EPB41L4A: variants seen among roughly 807,000 people sequenced by gnomAD.
EPB41L4A encodes erythrocyte membrane protein band 4.1 like 4A, also known as band 4.1-like protein 4A.
EPB41L4A carries 100 observed loss-of-function variants against 108.6 expected under a neutral mutation model. The observed-to-expected ratio is 0.92, with a 90% CI of 0.78 to 1.09. EPB41L4A has a LOEUF of 1.09. Ranked by LOEUF, EPB41L4A falls within the 50% of genes least tolerant of loss-of-function variation. The pLI is 0.00. For missense variants in EPB41L4A, 1,030 were observed against 842.7 expected, an observed-to-expected ratio of 1.22 and a Z score of -2.75; for synonymous variants, 319 against 289.0, an observed-to-expected ratio of 1.10 and a Z score of -1.05.
At chr5:112,298,129 T>C (rs893905709) in intron 2 of EPB41L4A, among the ~76,000 whole-genome samples, 3 of 152,206 alleles carry the variant, frequency 2.0e-5, no homozygotes, top group Non-Finnish European at 4.4e-5. Context: ...TGGTTCCATA[T>C]GAACTGTAGG....
chr5:112,401,127 G>A (rs1161832158), intron 1 of EPB41L4A, among the ~76,000 whole-genome samples: 1 of 151,990 alleles, frequency 6.6e-6, no homozygotes, highest in African/African-American at 2.4e-5. Flanking sequence ...GATTTTCCTG[G>A]CCCCTATCTG....
chr5:112,384,752 A>G (rs745503689), intron 1 of EPB41L4A, among the ~76,000 whole-genome samples: 12 of 151,670 alleles, frequency 7.9e-5, no homozygotes, highest in Non-Finnish European at 1.6e-4. Flanking sequence ...AAAGAGAAAC[A>G]AGGAAAGAGA....
At position 112,350,152 on chromosome 5, in the gene EPB41L4A, A is replaced by C. The variant is rs201487343; in HGVS notation, c.100-42662T>G. On this transcript the variant is annotated intron_variant, in intron 1 of 22. Coordinates refer to ENST00000261486, the MANE Select transcript of EPB41L4A (RefSeq NM_022140.5). Reference sequence around the variant, plus strand: ...GACTCAATCTTTATATATTTTGTTTAATTTTAATTCATTTGTTTAAATACG... The same window carrying C: ...GACTCAATCTTTATATATTTTGTTTCATTTTAATTCATTTGTTTAAATACG... Among the ~76,000 whole-genome samples the C allele has an allele frequency of 3.4e-4, 50 of 149,132 alleles. 1 individual carries two copies. The East Asian group carries it at 9.4e-3, about 28-fold the overall frequency.
chr5:112,262,711 G>T, intron 6 of EPB41L4A, 130 bp from the exon 7 acceptor site: 2 of 742,800 alleles, frequency 2.7e-6, no homozygotes, highest in South Asian at 1.9e-5. Flanking sequence ...TTAAGTCCTT[G>T]TATTTCAAGA....
chr5:112,225,021 A>G (rs1214170467), intron 12 of EPB41L4A, among the ~76,000 whole-genome samples: 1 of 152,228 alleles, frequency 6.6e-6, no homozygotes, highest in Non-Finnish European at 1.5e-5. Context: ...ATACCCGTCA[A>G]AGGCCGGATA....
chr5:112,262,612 T>C (rs1751574140), intron 6 of EPB41L4A, 31 bp from the exon 7 acceptor site: 1 of 1,566,272 alleles, frequency 6.4e-7, no homozygotes, highest in Non-Finnish European at 8.8e-7. Flanking sequence ...AAGAGCCTTA[T>C]TTTACAGCAG....
At chr5:112,375,259 T>C (rs1759738142) in intron 1 of EPB41L4A, among the ~76,000 whole-genome samples, 2 of 151,772 alleles carry the variant, frequency 1.3e-5, no homozygotes, top group Non-Finnish European at 2.9e-5. Context: ...TGTCCCTTCC[T>C]AAACCTAACT....
chr5:112,211,611 A>T (rs1368939499), intron 12 of EPB41L4A, among the ~76,000 whole-genome samples: 3 of 151,546 alleles, frequency 2.0e-5, no homozygotes, highest in Non-Finnish European at 4.4e-5. Context: ...AAACCCACAC[A>T]GCAAGTGAAA....
chr5:112,186,345 T>C (rs960346595), intron 17 of EPB41L4A, among the ~76,000 whole-genome samples: 1 of 152,156 alleles, frequency 6.6e-6, no homozygotes, highest in Non-Finnish European at 1.5e-5. Context: ...TCATCTATTG[T>C]GGAATTCAGC....
chr5:112,353,507 G>C, intron 1 of EPB41L4A, among the ~76,000 whole-genome samples: 1 of 152,058 alleles, frequency 6.6e-6, no homozygotes, highest in South Asian at 2.1e-4. Context: ...CCAGTCCCCA[G>C]GCAGCACAGG....
intron 2 of EPB41L4A, among the ~76,000 whole-genome samples, chr5:112,298,401 C>T (rs1027323918): frequency 6.6e-6 from 1 of 152,110 alleles, no homozygotes; most frequent in Non-Finnish European, 1.5e-5. Flanking sequence ...TAAAGGGATG[C>T]AGAATTTTGT....
chr5:112,278,291 C>T (rs1752734737), intron 3 of EPB41L4A, among the ~76,000 whole-genome samples: 1 of 150,262 alleles, frequency 6.7e-6, no homozygotes, highest in African/African-American at 2.4e-5. Context: ...GCTCTGTCAT[C>T]CAGGCTGGAG....
At chr5:112,400,266 G>C (rs1452095951) in intron 1 of EPB41L4A, among the ~76,000 whole-genome samples, 2 of 152,154 alleles carry the variant, frequency 1.3e-5, no homozygotes, top group African/African-American at 4.8e-5. Context: ...AGAACAGCAT[G>C]CGGAAAACCG....
rs576379706 is a variant in EPB41L4A at position 112,360,762 on chromosome 5, C to T, written c.100-53272G>A. Among the ~76,000 whole-genome samples the T allele has an allele frequency of 4.3e-3, 651 of 152,250 alleles. 1 individual carries two copies. Among genetic ancestry groups the T allele is most frequent in the Middle Eastern group, 0.01 (3 of 294 alleles). On this transcript the variant is annotated intron_variant, in intron 1 of 22. Transcript: ENST00000261486. ...CTGGGAAGTGAGGAGCGCCTCTTCC[C>T]GGTCGTCATCCCGTCTAGGAAGTGA...
At chr5:112,367,922 T>C (rs979711934) in intron 1 of EPB41L4A, among the ~76,000 whole-genome samples, 4 of 152,056 alleles carry the variant, frequency 2.6e-5, no homozygotes, top group Non-Finnish European at 5.9e-5. Flanking sequence ...ATTGAATCTT[T>C]GCAGTGCTGT....
chr5:112,377,910 G>C (rs1051555176), intron 1 of EPB41L4A, among the ~76,000 whole-genome samples: 1 of 151,796 alleles, frequency 6.6e-6, no homozygotes, highest in Admixed American at 6.6e-5. Context: ...AGTTCTCAGG[G>C]GGAACAAAAA....
chr5:112,277,992 T>C (rs1351762241), intron 3 of EPB41L4A, among the ~76,000 whole-genome samples: 2 of 152,198 alleles, frequency 1.3e-5, no homozygotes, highest in African/African-American at 4.8e-5. Flanking sequence ...CCTCTATATT[T>C]TGTGTAGACT....
intron 12 of EPB41L4A, among the ~76,000 whole-genome samples, chr5:112,224,672 C>G (rs74931906): frequency 0.046 from 6,975 of 152,202 alleles, 224 homozygotes; most frequent in Non-Finnish European, 0.066. Flanking sequence ...CCTACCACCC[C>G]ACTAAGTCGC....
intron 9 of EPB41L4A, among the ~76,000 whole-genome samples, chr5:112,255,380 CT>C (rs1751008199): frequency 1.3e-5 from 2 of 152,102 alleles, no homozygotes; most frequent in South Asian, 2.1e-4. Context: ...CTTTTTCTGA[CT>C]TTTACGTAAG....
Sources: allele counts gnomAD v4.1 joint callset (sites outside exome capture counted in the v4.1 genomes callset), GRCh38; gene constraint gnomAD v4.1.1; transcripts MANE v1.5; gene names NCBI Gene and HGNC (gene_info 2026-07-23, HGNC 2026-07-21).